Variants in FLCN observed in about 807,000 individuals in gnomAD.
FLCN encodes the protein BHD skin lesion fibrofolliculoma protein.
A neutral mutation model predicts 62.5 loss-of-function variants in FLCN; 22 were observed. That is an observed-to-expected ratio of 0.35 (90% CI 0.25 to 0.50). The LOEUF is 0.50. Among genes scored for constraint, FLCN ranks in the 20% least tolerant of loss-of-function variants. The pLI is 0.97. For missense variants in FLCN, 657 were observed against 778.0 expected (o/e 0.84, Z 1.85); for synonymous variants, 319 against 310.0 (o/e 1.03, Z -0.30).
At chr17:17,215,622 T>C (rs1415015599) in intron 11 of FLCN, among the ~76,000 whole-genome samples, 1 of 152,206 alleles carries the variant, frequency 6.6e-6, no homozygotes, top group African/African-American at 2.4e-5. Context: ...ATGACCCTAT[T>C]CTACAGATGG....
At chr17:17,214,679 G>A (rs2046854961) in intron 13 of FLCN, among the ~76,000 whole-genome samples, 1 of 152,114 alleles carries the variant, frequency 6.6e-6, no homozygotes, top group South Asian at 2.1e-4. Context: ...GAAGTTAATT[G>A]CACAGCAGAT....
At chr17:17,221,166 C>A in intron 8 of FLCN, 6 of 1,446,950 alleles carry the variant, frequency 4.1e-6, no homozygotes, top group Non-Finnish European at 5.5e-6. Flanking sequence ...AAACTTGGGA[C>A]GAACTGAAAC....
intron 9 of FLCN, 98 bp downstream of exon 9, chr17:17,218,921 T>C (rs2047002761): frequency 7.2e-7 from 1 of 1,395,158 alleles, no homozygotes; most frequent in African/African-American, 1.4e-5. Flanking sequence ...CTGCAGGGTT[T>C]TGAAGGTGGA....
chr17:17,218,874 C>T, intron 9 of FLCN, 145 bp downstream of exon 9: 1 of 852,328 alleles, frequency 1.2e-6, no homozygotes, highest in Non-Finnish European at 1.8e-6. Context: ...ACGCCCTGTG[C>T]CCTCAGCCAC....
Position 17,216,328 on chromosome 17 carries a change from C to T in FLCN, c.1300+52G>A, listed in dbSNP as rs980287768. 1.9e-5 allele frequency: 30 copies of T among 1,608,142 alleles called. No individual in the cohort carries two copies. Among genetic ancestry groups the T allele is most frequent in the South Asian group, 1.7e-4 (15 of 90,642 alleles). ...ATCTGGTTCCACTTTGGGCCTGAGG[C>T]GTGGGGAACCTCAGCGCAGGGCATG... On this transcript the variant is annotated intron_variant, in intron 11 of 13. Transcript: ENST00000285071. The surrounding 1 kb of genome is among the most constrained non-coding windows in gnomAD (Gnocchi z 4.0).
Position 17,215,331 on chromosome 17 carries a change from G to A in FLCN, c.1301-15C>T, listed in dbSNP as rs764156023. 3 of 1,613,704 alleles carry A rather than the reference G, an allele frequency of 1.9e-6. No homozygotes were observed. Among genetic ancestry groups the A allele is most frequent in the South Asian group, 2.2e-5 (2 of 91,066 alleles). On this transcript the variant is annotated splice_polypyrimidine_tract_variant and intron_variant, in intron 11 of 13. Coordinates refer to ENST00000285071, the MANE Select transcript of FLCN (RefSeq NM_144997.7). ...GACAGCAAACTCTGTAACAACACAA[G>A]GCCCGTGGCTCCTCATCTCCCCCAT...
Position 17,216,602 on chromosome 17 carries a change from C to G in FLCN, c.1177-99G>C. The G allele has an allele frequency of 4.5e-6, 7 of 1,555,356 alleles. No individual in the cohort carries two copies. Among genetic ancestry groups the G allele is most frequent in the Non-Finnish European group, 6.1e-6 (7 of 1,152,256 alleles). On this transcript the variant is annotated intron_variant, in intron 10 of 13. Transcript: ENST00000285071. The surrounding 1 kb of genome is among the most constrained non-coding windows in gnomAD (Gnocchi z 4.0). ...CAAACCCCACACGCCTCCTGCAGCC[C>G]GGTCCAAGCCCTCCCTCCTGCCAGA...
At chr17:17,223,363 G>T (rs1227655241) in intron 6 of FLCN, among the ~76,000 whole-genome samples, 1 of 152,230 alleles carries the variant, frequency 6.6e-6, no homozygotes, top group Non-Finnish European at 1.5e-5. Flanking sequence ...AAAGTGCTGG[G>T]ATTACAGGCG....
At position 17,231,795 on chromosome 17, in the gene FLCN, T is replaced by G. The variant is rs2047430823; in HGVS notation, c.-26A>C. 1 of 152,386 alleles carries G rather than the reference T, an allele frequency of 6.6e-6. No homozygotes were observed. The allele number at this position is 152,386 out of a possible 1,614,324, so 9.4% of individuals were successfully genotyped here. On this transcript the variant is annotated splice_region_variant and 5_prime_UTR_variant, in exon 3 of 14. Transcript: ENST00000285071. Reference sequence around the variant, plus strand: ...CATGCCTGCGAATGCACCACCCACCTGACGTTTCTGCAGTTGGCTGCTTAG... The same window carrying G: ...CATGCCTGCGAATGCACCACCCACCGGACGTTTCTGCAGTTGGCTGCTTAG...
At chr17:17,223,019 C>G (rs2047142138) in intron 6 of FLCN, 1 of 374,738 alleles carries the variant, frequency 2.7e-6, no homozygotes, top group Non-Finnish European at 5.2e-6. Flanking sequence ...GTGACTGGCT[C>G]TGGTCAATGA....
rs774091922 is a variant in FLCN, at chr17:17,213,652, G to A, written c.*3C>T. On this transcript the variant is annotated 3_prime_UTR_variant, in exon 14 of 14. Transcript: ENST00000285071. ...CTGTCTTTAGGCAGGTGTGTGTGAC[G>A]GGTCAGTTCCGAGACTCCGAGGCTG... 9 of 1,614,100 alleles carry A rather than the reference G, an allele frequency of 5.6e-6. No homozygotes were observed. Among genetic ancestry groups the A allele is most frequent in the East Asian group, 2.2e-5 (1 of 44,888 alleles).
Position 17,224,156 on chromosome 17 carries a change from C to A in FLCN, c.397-13G>T. On this transcript the variant is annotated splice_polypyrimidine_tract_variant and intron_variant, in intron 5 of 13. Coordinates refer to ENST00000285071, the MANE Select transcript of FLCN (RefSeq NM_144997.7). ...GGCCAGGGCAGACCTGGAGGGACACCGGCGACTCAGACAGCCCTTTCCTCG... is the reference window on the plus strand; with the variant it reads ...GGCCAGGGCAGACCTGGAGGGACACAGGCGACTCAGACAGCCCTTTCCTCG... 1.3e-6 allele frequency: 2 copies of A among 1,569,232 alleles called. No homozygotes were observed. The highest frequency in any genetic ancestry group is 2.3e-5 in the East Asian group (1 of 42,738).
In FLCN at chr17:17,219,087, G is replaced by T; in HGVS notation, c.994C>A (p.Leu332Ile). 6.2e-7 allele frequency: 1 copy of T among 1,614,198 alleles called. No homozygotes were observed. Among genetic ancestry groups the T allele is most frequent in the South Asian group, 1.1e-5 (1 of 91,084 alleles). ...GGCTGCCAGCTCCCACAGCCTGAGAGAGAGGAGGACTCTGCCGGGCCCTGG... is the reference window on the plus strand; with the variant it reads ...GGCTGCCAGCTCCCACAGCCTGAGATAGAGGAGGACTCTGCCGGGCCCTGG... ...LTQGPAESSS[L>I]SGCGSWQPRK... The change falls in exon 9 of 14, where the codon CTC becomes ATC. Residue 332 changes from leucine to isoleucine, a missense_variant. Leu to Ile is a conservative substitution (Grantham distance 5, BLOSUM62 2). Transcript: ENST00000285071.
chr17:17,222,443 C>A, intron 7 of FLCN, 58 bp downstream of exon 7: 2 of 1,611,314 alleles, frequency 1.2e-6, no homozygotes, highest in Non-Finnish European at 1.7e-6. Context: ...ACAAGCCAAC[C>A]AATGTATCGT....
In FLCN at chr17:17,216,146, G is replaced by A. The variant is rs1051142104; in HGVS notation, c.1300+234C>T. On this transcript the variant is annotated intron_variant, in intron 11 of 13. Transcript: ENST00000285071. The surrounding 1 kb of genome is among the most constrained non-coding windows in gnomAD (Gnocchi z 4.0). ...GGACACATCCTCCCACCCCACGATG[G>A]TGACCTGCAGCCCACTGACGACAGT... 6.6e-6 allele frequency among the ~76,000 whole-genome samples: 1 copy of A among 152,164 alleles called. No homozygotes were observed. Among genetic ancestry groups the A allele is most frequent in the Admixed American group, 6.5e-5 (1 of 15,278 alleles).
chr17:17,214,309 CG>C (rs1038727758), intron 13 of FLCN, among the ~76,000 whole-genome samples: 1 of 150,784 alleles, frequency 6.6e-6, no homozygotes, highest in African/African-American at 2.4e-5. Context: ...AAAAAAAACC[CG>C]GGGGGCCAGG....
chr17:17,236,580 G>A (rs542413438), intron 1 of FLCN, among the ~76,000 whole-genome samples: 2 of 152,222 alleles, frequency 1.3e-5, no homozygotes, highest in Admixed American at 6.5e-5. Flanking sequence ...CTCCCTGGAG[G>A]ACACGGTGCT....
At chr17:17,223,456 C>T (rs1412456482) in intron 6 of FLCN, among the ~76,000 whole-genome samples, 6 of 152,142 alleles carry the variant, frequency 3.9e-5, no homozygotes, top group Admixed American at 2.0e-4. Flanking sequence ...AAGCAGAGCC[C>T]CACTCTCCTG....
In FLCN at chr17:17,213,529, G is replaced by C; in HGVS notation, c.*126C>G. ...GACAGGGCCGAGCCCAGCCCTGATG[G>C]TTTCCCTTCCTTGCTGGGACACAGC... On this transcript the variant is annotated 3_prime_UTR_variant, in exon 14 of 14. Coordinates refer to ENST00000285071, the MANE Select transcript of FLCN (RefSeq NM_144997.7). 7.5e-7 allele frequency: 1 copy of C among 1,337,478 alleles called. No homozygotes were observed. The highest frequency in any genetic ancestry group is 1.1e-6 in the Non-Finnish European group (1 of 945,548). 82.9% of individuals were successfully genotyped at this position (1,337,478 alleles called of 1,614,324 possible).
Sources: allele counts gnomAD v4.1 joint callset (sites outside exome capture counted in the v4.1 genomes callset), GRCh38; gene constraint gnomAD v4.1.1; non-coding constraint Gnocchi (gnomAD v3.1); transcripts MANE v1.5; gene names NCBI Gene and HGNC (gene_info 2026-07-23, HGNC 2026-07-21).